The following DDX52 variants were observed in gnomAD, a reference collection of about 807,000 sequenced individuals.
DDX52 encodes the protein probable ATP-dependent RNA helicase DDX52.
A neutral mutation model predicts 76.1 loss-of-function variants in DDX52; 59 were observed. That is an observed-to-expected ratio of 0.78 (90% confidence interval 0.63 to 0.96). DDX52 has a LOEUF of 0.96. Among genes scored for constraint, DDX52 ranks in the 40% least tolerant of loss-of-function variants. The pLI, the probability that DDX52 is intolerant of heterozygous loss-of-function variation, is 0.00. For missense variants in DDX52, 707 were observed against 703.9 expected, an observed-to-expected ratio of 1.00 and a Z score of -0.05; for synonymous variants, 231 against 244.1, an observed-to-expected ratio of 0.95 and a Z score of 0.50.
At chr17:37,641,543 C>T (rs1477705788) in intron 2 of DDX52, among the ~76,000 whole-genome samples, 6 of 152,004 alleles carry the variant, frequency 3.9e-5, no homozygotes, top group East Asian at 3.9e-4. Context: ...TCCAGGCCAT[C>T]GTGGCCAACA....
rs767850471 is a variant in DDX52 at position 37,619,839 on chromosome 17, G to A, written c.1578C>T (p.Ser526=). 2.5e-6 allele frequency: 4 copies of A among 1,611,862 alleles called. No individual in the cohort carries two copies. Among genetic ancestry groups the A allele is most frequent in the African/African-American group, 2.7e-5 (2 of 74,718 alleles). ...CAGCCTGCTGTATAACATTAGCAAC[G>A]CTGAAAAAGAAACCCATAAACATAA... is the stretch of plus-strand genomic sequence containing the variant. The part of the protein sequence containing the change: ...FTEDDKPLLR[S]VANVIQQAGC... Residue 526 remains serine, a splice_region_variant and synonymous_variant, in exon 13 of 15, where the codon AGC becomes AGT. Transcript: ENST00000617633.
chr17:37,629,378 A>AG (rs1189732801), intron 5 of DDX52, among the ~76,000 whole-genome samples: 1 of 151,986 alleles, frequency 6.6e-6, no homozygotes, highest in Non-Finnish European at 1.5e-5. Flanking sequence ...TCTAAAAAAA[A>AG]CAAACTGAGA....
chr17:37,625,753 T>C, intron 8 of DDX52, 142 bp downstream of exon 8: 2 of 880,244 alleles, frequency 2.3e-6, no homozygotes, highest in African/African-American at 1.7e-5. Context: ...TAAACAATCT[T>C]GGCTTAAAAG....
intron 2 of DDX52, among the ~76,000 whole-genome samples, chr17:37,634,630 C>CTAAA (rs1418010301): frequency 6.6e-6 from 1 of 151,774 alleles, no homozygotes; most frequent in Non-Finnish European, 1.5e-5. Context: ...GACTCTGTCT[C>CTAAA]TAAATAAATA....
chr17:37,640,617 A>T (rs2031144550), intron 2 of DDX52, among the ~76,000 whole-genome samples: 1 of 151,980 alleles, frequency 6.6e-6, no homozygotes, highest in African/African-American at 2.4e-5. Context: ...TTTACCAAAA[A>T]AAGGTAAATG....
chr17:37,643,424 T>C lies in DDX52; in HGVS notation c.-4A>G, dbSNP rs761430513. 6 of 1,613,834 alleles carry C rather than the reference T, an allele frequency of 3.7e-6. No homozygotes were observed. Among genetic ancestry groups the C allele is most frequent in the Admixed American group, 1.7e-5 (1 of 60,016 alleles). On this transcript the variant is annotated 5_prime_UTR_variant, in exon 1 of 15. Transcript: ENST00000617633. ...GAAAGAGATCGTGGACGTCCATCTT[T>C]ACCCAGAAAGCGCCACAGTTCTACG... is the stretch of plus-strand genomic sequence containing the variant.
intron 8 of DDX52, among the ~76,000 whole-genome samples, chr17:37,625,129 C>T (rs2030300024): frequency 6.6e-6 from 1 of 152,008 alleles, no homozygotes; most frequent in Admixed American, 6.6e-5. Flanking sequence ...CCTCAGCCTC[C>T]CAAGTAGCTG....
intron 3 of DDX52, among the ~76,000 whole-genome samples, chr17:37,633,032 A>T (rs1383851825): frequency 6.6e-6 from 1 of 152,214 alleles, no homozygotes; most frequent in Admixed American, 6.5e-5. Flanking sequence ...AATTCTAAAC[A>T]TACTATCAAT....
intron 6 of DDX52, among the ~76,000 whole-genome samples, chr17:37,627,709 GA>G (rs10673620): frequency 0.2 from 25,616 of 131,280 alleles, 2,206 homozygotes; most frequent in Middle Eastern, 0.28. Context: ...AAAACAAAAA[GA>G]AAAAAAAAAA....
chr17:37,614,147 A>T lies in DDX52; in HGVS notation c.*149T>A. ...CAAATTGAAACTGACTTGATAGTTTAGGATCATTTATCACCAGTCCCATGT... is the reference window on the plus strand; with the variant it reads ...CAAATTGAAACTGACTTGATAGTTTTGGATCATTTATCACCAGTCCCATGT... On this transcript the variant is annotated 3_prime_UTR_variant, in exon 15 of 15. Coordinates refer to ENST00000617633, the MANE Select transcript of DDX52 (RefSeq NM_007010.5). 1 of 777,912 alleles carries T rather than the reference A, an allele frequency of 1.3e-6. No homozygotes were observed. The highest frequency in any genetic ancestry group is 2.0e-6 in the Non-Finnish European group (1 of 510,310). 48.2% of individuals were successfully genotyped at this position (777,912 alleles called of 1,614,324 possible).
At chr17:37,620,725 C>A in intron 12 of DDX52, 148 bp downstream of exon 12, 1 of 655,026 alleles carries the variant, frequency 1.5e-6, no homozygotes, top group Non-Finnish European at 2.3e-6. Flanking sequence ...ATCATTTTTC[C>A]TTTCCCATGG....
intron 3 of DDX52, 68 bp from the exon 4 acceptor site, chr17:37,632,366 C>A (rs1598763528): frequency 4.5e-6 from 7 of 1,557,446 alleles, no homozygotes; most frequent in Non-Finnish European, 5.3e-6. Flanking sequence ...TGTTATAAAG[C>A]AACATTAACA....
At chr17:37,623,665 AG>A (rs1421755057) in intron 9 of DDX52, among the ~76,000 whole-genome samples, 1 of 152,192 alleles carries the variant, frequency 6.6e-6, no homozygotes, top group Non-Finnish European at 1.5e-5. Context: ...TTCAAGGATC[AG>A]TTTAGTAGCA....
Position 37,612,453 on chromosome 17 carries a change from A to G in DDX52, c.*1843T>C, listed in dbSNP as rs1295715761. 2.0e-5 allele frequency: 3 copies of G among 152,200 alleles called. No homozygotes were observed. Among genetic ancestry groups the G allele is most frequent in the Admixed American group, 1.3e-4 (2 of 15,270 alleles). The allele number at this position is 152,200 out of a possible 1,614,324, so 9.4% of individuals were successfully genotyped here. A position where few individuals can be genotyped will look rare whatever the true frequency, so the allele number is the denominator to read the frequency against. Reference sequence around the variant, plus strand: ...ACAAGTCTACATGTTCCAACTGTCTATAGCATGCAGGACAGTAACATGCTA... The same window carrying G: ...ACAAGTCTACATGTTCCAACTGTCTGTAGCATGCAGGACAGTAACATGCTA... On this transcript the variant is annotated 3_prime_UTR_variant, in exon 15 of 15. Coordinates refer to ENST00000617633, the MANE Select transcript of DDX52 (RefSeq NM_007010.5).
chr17:37,632,413 T>C, intron 3 of DDX52, 115 bp from the exon 4 acceptor site: 6 of 1,198,158 alleles, frequency 5.0e-6, no homozygotes, highest in Non-Finnish European at 7.0e-6. Flanking sequence ...ATGAAACTTT[T>C]TGGTTAAATC....
intron 2 of DDX52, among the ~76,000 whole-genome samples, chr17:37,636,193 T>A (rs1424021491): frequency 6.6e-6 from 1 of 152,218 alleles, no homozygotes; most frequent in Non-Finnish European, 1.5e-5. Flanking sequence ...CACAAAGATT[T>A]TTTTCCTGTT....
intron 14 of DDX52, among the ~76,000 whole-genome samples, chr17:37,617,654 A>C (rs756903162): frequency 1.3e-5 from 2 of 152,256 alleles, no homozygotes; most frequent in African/African-American, 2.4e-5. Flanking sequence ...GCTTCAAAGA[A>C]GACTAGATCC....
intron 7 of DDX52, among the ~76,000 whole-genome samples, chr17:37,626,410 C>G (rs1444934661): frequency 6.6e-6 from 1 of 152,158 alleles, no homozygotes; most frequent in African/African-American, 2.4e-5. Context: ...TGTCTTGCTT[C>G]CCCTTCTGCC....
chr17:37,638,374 T>C (rs548707716), intron 2 of DDX52, among the ~76,000 whole-genome samples: 61 of 152,362 alleles, frequency 4.0e-4, no homozygotes, highest in African/African-American at 1.4e-3. Flanking sequence ...CCTAAAATAT[T>C]GGTATGCCTC....
Sources: allele counts gnomAD v4.1 joint callset (sites outside exome capture counted in the v4.1 genomes callset), GRCh38; gene constraint gnomAD v4.1.1; transcripts MANE v1.5; gene names NCBI Gene and HGNC (gene_info 2026-07-23, HGNC 2026-07-21).